The following PDE11A variants were observed in gnomAD, a reference collection of about 807,000 sequenced individuals.
PDE11A encodes phosphodiesterase 11A, also known as dual 3',5'-cyclic-AMP and -GMP phosphodiesterase 11A.
In PDE11A, 100 loss-of-function variants were observed where a neutral mutation model predicts 100.5. The ratio of observed to expected loss-of-function variants is 1.00; its 90% CI spans 0.85 to 1.18. PDE11A has a LOEUF of 1.18. Among genes scored for constraint, PDE11A ranks in the 50% most tolerant of loss-of-function variants. The pLI, the probability that PDE11A is intolerant of heterozygous loss-of-function variation, is 0.00. For missense variants in PDE11A, 1,141 were observed against 1,152.6 expected (o/e 0.99, Z 0.15); for synonymous variants, 381 against 420.8 (o/e 0.91, Z 1.16).
intron 1 of PDE11A, among the ~76,000 whole-genome samples, chr2:178,015,470 C>G (rs891421244): frequency 3.9e-5 from 6 of 151,966 alleles, no homozygotes; most frequent in Non-Finnish European, 8.8e-5. Context: ...ACCATGGGAG[C>G]TATACCAATT....
intron 1 of PDE11A, among the ~76,000 whole-genome samples, chr2:178,037,909 A>G (rs1410622409): frequency 6.6e-6 from 1 of 152,004 alleles, no homozygotes; most frequent in Non-Finnish European, 1.5e-5. Context: ...ATTAGGACAA[A>G]TATCTAATGC....
chr2:177,793,465 A>G (rs1169838487), intron 9 of PDE11A, among the ~76,000 whole-genome samples: 1 of 140,278 alleles, frequency 7.1e-6, no homozygotes, highest in African/African-American at 2.6e-5. Context: ...TGGATGTGGG[A>G]GGGAAAACAG....
At chr2:177,800,726 C>CT (rs142978367) in intron 9 of PDE11A, among the ~76,000 whole-genome samples, 2,756 of 152,254 alleles carry the variant, frequency 0.018, 83 homozygotes, top group African/African-American at 0.063. Flanking sequence ...CCACTGAGAC[C>CT]TGATGGGGGG....
intron 15 of PDE11A, among the ~76,000 whole-genome samples, chr2:177,685,301 C>T (rs1314276505): frequency 6.6e-6 from 1 of 152,132 alleles, no homozygotes; most frequent in East Asian, 1.9e-4. Context: ...GTAAACAACA[C>T]AAAATCTATT....
At chr2:177,936,784 G>T (rs2085279577) in intron 2 of PDE11A, among the ~76,000 whole-genome samples, 1 of 152,004 alleles carries the variant, frequency 6.6e-6, no homozygotes, top group Admixed American at 6.5e-5. Flanking sequence ...AGCTGGGTTT[G>T]GTTGCCAGCG....
intron 19 of PDE11A, among the ~76,000 whole-genome samples, chr2:177,662,463 T>C (rs2080497377): frequency 6.6e-6 from 1 of 152,232 alleles, no homozygotes; most frequent in Non-Finnish European, 1.5e-5. Flanking sequence ...CATTAAAAAG[T>C]AATTCAACAT....
At chr2:177,797,618 AC>A (rs1424689256) in intron 9 of PDE11A, among the ~76,000 whole-genome samples, 1 of 152,160 alleles carries the variant, frequency 6.6e-6, no homozygotes, top group Non-Finnish European at 1.5e-5. Flanking sequence ...CATCCAAATA[AC>A]AATTACTTCT....
chr2:177,773,306 C>A (rs1356869164), intron 9 of PDE11A, among the ~76,000 whole-genome samples: 2 of 152,192 alleles, frequency 1.3e-5, no homozygotes, highest in East Asian at 3.9e-4. Context: ...TGCTCAATCT[C>A]ACATATCCTT....
chr2:177,940,966 CT>C (rs34355087), intron 2 of PDE11A, among the ~76,000 whole-genome samples: 11,370 of 152,130 alleles, frequency 0.075, 430 homozygotes, highest in South Asian at 0.099. Context: ...GACTCAATAT[CT>C]AAATAAAGAG....
At chr2:177,922,313 A>G (rs1183842481) in intron 2 of PDE11A, among the ~76,000 whole-genome samples, 2 of 152,186 alleles carry the variant, frequency 1.3e-5, no homozygotes, top group Non-Finnish European at 2.9e-5. Context: ...TATGTCCAAG[A>G]CAGAACTCAT....
intron 9 of PDE11A, among the ~76,000 whole-genome samples, chr2:177,805,920 A>G (rs1157395698): frequency 6.6e-6 from 1 of 152,234 alleles, no homozygotes; most frequent in Non-Finnish European, 1.5e-5. Context: ...GTCTAAACAA[A>G]TAAAATTCCA....
intron 5 of PDE11A, among the ~76,000 whole-genome samples, chr2:177,857,749 T>C (rs2083866467): frequency 6.6e-6 from 1 of 152,026 alleles, no homozygotes; most frequent in South Asian, 2.1e-4. Flanking sequence ...ATCAGTAGAA[T>C]GGATAAAATA....
At chr2:177,931,263 A>G (rs2085202373) in intron 2 of PDE11A, among the ~76,000 whole-genome samples, 2 of 152,230 alleles carry the variant, frequency 1.3e-5, no homozygotes, top group Non-Finnish European at 2.9e-5. Context: ...TGACAAATAA[A>G]AAGTGTACAT....
At chr2:178,030,742 G>T (rs1340628230) in intron 1 of PDE11A, among the ~76,000 whole-genome samples, 1 of 152,152 alleles carries the variant, frequency 6.6e-6, no homozygotes, top group African/African-American at 2.4e-5. Context: ...GCCAGGCATG[G>T]TGGCATGTGC....
intron 9 of PDE11A, among the ~76,000 whole-genome samples, chr2:177,814,462 A>G (rs2083005130): frequency 6.6e-6 from 1 of 152,094 alleles, no homozygotes; most frequent in Admixed American, 6.6e-5. Context: ...CCACCTGATC[A>G]CTAGTGTCAA....
intron 2 of PDE11A, among the ~76,000 whole-genome samples, chr2:177,988,837 G>A (rs2085970110): frequency 6.6e-6 from 1 of 152,196 alleles, no homozygotes; most frequent in African/African-American, 2.4e-5. Flanking sequence ...TATACAGGCA[G>A]CAAGAAATGT....
chr2:177,776,777 G>T (rs1239711378), intron 9 of PDE11A, among the ~76,000 whole-genome samples: 3 of 152,180 alleles, frequency 2.0e-5, no homozygotes, highest in Non-Finnish European at 4.4e-5. Context: ...AAGCCAGAAA[G>T]ATAGCCGTCA....
chr2:178,053,300 G>A (rs976128489), intron 1 of PDE11A, among the ~76,000 whole-genome samples: 6 of 152,114 alleles, frequency 3.9e-5, no homozygotes, highest in Admixed American at 2.6e-4. Flanking sequence ...AAAGGCCTTC[G>A]AAAAATTCAA....
At chr2:177,835,644 G>A (rs1164323281) in intron 6 of PDE11A, among the ~76,000 whole-genome samples, 1 of 152,182 alleles carries the variant, frequency 6.6e-6, no homozygotes, top group African/African-American at 2.4e-5. Context: ...GCTGAAGCCA[G>A]CTCCCTCTGC....
Sources: allele counts gnomAD v4.1 joint callset (sites outside exome capture counted in the v4.1 genomes callset), GRCh38; gene constraint gnomAD v4.1.1; transcripts MANE v1.5; gene names NCBI Gene and HGNC (gene_info 2026-07-23, HGNC 2026-07-21).